Variants in SLC23A2 observed in about 807,000 individuals in gnomAD.
SLC23A2 encodes solute carrier family 23 member 2.
SLC23A2 carries 36 observed loss-of-function variants against 73.3 expected under a neutral mutation model. That is an observed-to-expected ratio of 0.49 (90% CI 0.38 to 0.65). SLC23A2 has a LOEUF of 0.65. SLC23A2 is among the 30% of genes least tolerant of loss of function. The pLI is 0.00. For missense variants in SLC23A2, 507 were observed against 841.6 expected, an observed-to-expected ratio of 0.60 and a Z score of 4.92; for synonymous variants, 343 against 327.3, an observed-to-expected ratio of 1.05 and a Z score of -0.52.
Position 4,857,509 on chromosome 20 carries a change from T to C in SLC23A2, c.1721-305A>G, listed in dbSNP as rs1388037153. Reference sequence around the variant, plus strand: ...CCTCCCTATCCTTCTATGTGACCCATATTCTCAATTTTCACTGTTAGGGCC... The same window carrying C: ...CCTCCCTATCCTTCTATGTGACCCACATTCTCAATTTTCACTGTTAGGGCC... On this transcript the variant is annotated intron_variant, in intron 16 of 16. Transcript: ENST00000338244. The surrounding 1 kb of genome is among the most constrained non-coding windows in gnomAD (Gnocchi z 4.0). 6.6e-6 allele frequency among the ~76,000 whole-genome samples: 1 copy of C among 152,154 alleles called. No individual in the cohort carries two copies. Among genetic ancestry groups the C allele is most frequent in the African/African-American group, 2.4e-5 (1 of 41,440 alleles).
intron 1 of SLC23A2, among the ~76,000 whole-genome samples, chr20:5,007,458 G>C (rs1035530637): frequency 6.6e-6 from 1 of 152,154 alleles, no homozygotes; most frequent in Non-Finnish European, 1.5e-5. Flanking sequence ...TTGAACCTGG[G>C]AGGCAGAGGT....
At chr20:4,903,267 C>G (rs1273986901) in intron 4 of SLC23A2, among the ~76,000 whole-genome samples, 1 of 151,872 alleles carries the variant, frequency 6.6e-6, no homozygotes, top group Non-Finnish European at 1.5e-5. Flanking sequence ...TCATAAAGAC[C>G]AGTCACTTTA....
chr20:5,004,494 GCACAGAA>G (rs1052065260), upstream of SLC23A2, among the ~76,000 whole-genome samples: 9 of 152,152 alleles, frequency 5.9e-5, no homozygotes, highest in Non-Finnish European at 1.2e-4. Context: ...TCATCCCAGA[GCACAGAA>G]CTGATAATCT....
Position 4,938,091 on chromosome 20 carries a change from C to T in SLC23A2, c.-154-5375G>A, listed in dbSNP as rs138117108. On this transcript the variant is annotated intron_variant, in intron 2 of 16. Transcript: ENST00000338244. ...TGTTGCCCAAGCTGGAGTGCAGTGG[C>T]GCGATCACAGTTCACTGCAGCCTTG... 3.2e-4 allele frequency among the ~76,000 whole-genome samples: 47 copies of T among 146,906 alleles called. No individual in the cohort carries two copies. In the East Asian group the frequency reaches 7.9e-3, roughly 25 times the overall value.
intron 1 of SLC23A2, among the ~76,000 whole-genome samples, chr20:5,009,098 A>G (rs1167814717): frequency 6.6e-6 from 1 of 152,072 alleles, no homozygotes; most frequent in Non-Finnish European, 1.5e-5. Flanking sequence ...TTGCATATGC[A>G]TCTTAATTTT....
intron 7 of SLC23A2, 59 bp from the exon 8 acceptor site, chr20:4,884,882 C>T: frequency 1.0e-6 from 1 of 965,704 alleles, no homozygotes; most frequent in Non-Finnish European, 1.5e-6. Flanking sequence ...ATGACATATT[C>T]ATTTTACCTT....
intron 1 of SLC23A2, among the ~76,000 whole-genome samples, chr20:4,971,299 AACACACACACACACACAC>A (rs35758430): frequency 1.4e-5 from 2 of 142,422 alleles, no homozygotes; most frequent in African/African-American, 2.6e-5. Context: ...GTCTCTACAA[AACACACACACACACACAC>A]ACACACACAC....
upstream of SLC23A2, among the ~76,000 whole-genome samples, chr20:5,005,785 C>T (rs1568666439): frequency 6.6e-6 from 1 of 152,016 alleles, no homozygotes; most frequent in Non-Finnish European, 1.5e-5. Context: ...GTCAGGAGTT[C>T]GAGACCAGCC....
chr20:4,989,070 C>T (rs950996501), intron 1 of SLC23A2, among the ~76,000 whole-genome samples: 4 of 151,514 alleles, frequency 2.6e-5, no homozygotes, highest in Admixed American at 6.6e-5. Flanking sequence ...GAAACCCCAT[C>T]TCTACTAAAA....
At chr20:4,978,203 A>G (rs970192768) in intron 1 of SLC23A2, among the ~76,000 whole-genome samples, 4 of 152,206 alleles carry the variant, frequency 2.6e-5, no homozygotes, top group Admixed American at 1.3e-4. Context: ...CAAAGTTAAA[A>G]AAACACTCCC....
At chr20:5,001,065 G>A (rs1224725576) in intron 1 of SLC23A2, among the ~76,000 whole-genome samples, 3 of 152,042 alleles carry the variant, frequency 2.0e-5, no homozygotes, top group Admixed American at 1.3e-4. Context: ...GGTTCTGGGG[G>A]CGCCCCATTT....
intron 2 of SLC23A2, among the ~76,000 whole-genome samples, chr20:4,933,258 C>A (rs73893863): frequency 0.085 from 12,984 of 152,118 alleles, 1,160 homozygotes; most frequent in African/African-American, 0.22. Context: ...AATAATTCTA[C>A]ATTCCCTACA....
chr20:4,972,170 G>A (rs138998005), intron 1 of SLC23A2, among the ~76,000 whole-genome samples: 8 of 152,292 alleles, frequency 5.3e-5, no homozygotes, highest in Non-Finnish European at 8.8e-5. Context: ...GAAGAAAAAC[G>A]TGCAAGGCAA....
intron 3 of SLC23A2, among the ~76,000 whole-genome samples, chr20:4,925,015 A>C (rs2122925150): frequency 6.6e-6 from 1 of 152,006 alleles, no homozygotes; most frequent in South Asian, 2.1e-4. Flanking sequence ...CCTTGTCTCT[A>C]CAAAAAAAAA....
chr20:4,864,141 G>A (rs556763869), intron 13 of SLC23A2, among the ~76,000 whole-genome samples: 1 of 152,342 alleles, frequency 6.6e-6, no homozygotes, highest in South Asian at 2.1e-4. Context: ...GGGTAAAGGA[G>A]GTTCCAGAGT....
At position 4,998,937 on chromosome 20, in the gene SLC23A2, C is replaced by T. The variant is rs531857148; in HGVS notation, c.-282+2469G>A. Among the ~76,000 whole-genome samples, 14 of 151,902 alleles carry T rather than the reference C, an allele frequency of 9.2e-5. No individual in the cohort carries two copies. In the South Asian group the frequency reaches 1.0e-3, roughly 11 times the overall value. Reference sequence around the variant, plus strand: ...CTCCTGCCTCAGCCTCCTGAGTAGCCGGAAATACAGGCATGCGCCACCATG... The same window carrying T: ...CTCCTGCCTCAGCCTCCTGAGTAGCTGGAAATACAGGCATGCGCCACCATG... On this transcript the variant is annotated intron_variant, in intron 1 of 16. Transcript: ENST00000338244. The surrounding 1 kb of genome is among the most constrained non-coding windows in gnomAD (Gnocchi z 4.1).
rs370599908 is a variant in SLC23A2 at position 4,857,053 on chromosome 20, G to A, written c.1872C>T (p.Thr624=). 322 of 1,613,934 alleles carry A rather than the reference G, an allele frequency of 2.0e-4. No individual in the cohort carries two copies. The highest frequency in any genetic ancestry group is 2.7e-4 in the Non-Finnish European group (314 of 1,179,922). The part of the protein sequence containing the change: ...RCFSYLPISP[T]FVGYTWKGLR... ...GGCCTTTCCATGTGTAGCCCACAAA[G>A]GTTGGGCTGATGGGTAAGTAGCTGA... Residue 624 remains threonine (T), a synonymous_variant, in exon 17 of 17, where the codon ACC becomes ACT. Transcript: ENST00000338244. This position sits in a 1 kb window ranked among gnomAD's most constrained non-coding sequence, Gnocchi z 4.0.
At chr20:4,981,565 G>A (rs981519828) in intron 1 of SLC23A2, among the ~76,000 whole-genome samples, 1 of 152,072 alleles carries the variant, frequency 6.6e-6, no homozygotes, top group Admixed American at 6.6e-5. Flanking sequence ...ATTTGCTGTC[G>A]AGGTTGAGGA....
chr20:4,873,709 A>C (rs970225058), intron 11 of SLC23A2, among the ~76,000 whole-genome samples: 3 of 152,186 alleles, frequency 2.0e-5, no homozygotes, highest in Non-Finnish European at 2.9e-5. Context: ...AGCAGATCCA[A>C]AAGAGACAGC....
Sources: allele counts gnomAD v4.1 joint callset (sites outside exome capture counted in the v4.1 genomes callset), GRCh38; gene constraint gnomAD v4.1.1; non-coding constraint Gnocchi (gnomAD v3.1); transcripts MANE v1.5; gene names NCBI Gene and HGNC (gene_info 2026-07-23, HGNC 2026-07-21).